Variants in PRKG1 observed in about 807,000 individuals in gnomAD.
PRKG1 encodes cGMP-dependent protein kinase 1.
A neutral mutation model predicts 88.1 loss-of-function variants in PRKG1; 35 were observed. The ratio of observed to expected loss-of-function variants is 0.40; its 90% confidence interval spans 0.30 to 0.53. PRKG1 has a LOEUF of 0.53. Ranked by LOEUF, PRKG1 falls within the 20% of genes least tolerant of loss-of-function variation. The pLI is 0.59. For missense variants in PRKG1, 540 were observed against 839.8 expected (o/e 0.64, Z 4.41); for synonymous variants, 303 against 292.5 (o/e 1.04, Z -0.37).
chr10:51,381,478 C>T (rs1837102859), intron 2 of PRKG1, among the ~76,000 whole-genome samples: 1 of 151,796 alleles, frequency 6.6e-6, no homozygotes, highest in African/African-American at 2.4e-5. Flanking sequence ...GCATGGAGAG[C>T]TTAGTTGCTA....
rs75238651 is a variant in PRKG1, at chr10:51,103,666, T to G, written c.311+28765T>G. On this transcript the variant is annotated intron_variant, in intron 1 of 17. Transcript: ENST00000373980. ...GGATCCGGATGAGCTGAATCAAGAG[T>G]GAGGTGACAAGAAAACTCAGGTTAA... Among the ~76,000 whole-genome samples the G allele has an allele frequency of 3.4e-3, 514 of 151,596 alleles. 2 individuals carry two copies. Among genetic ancestry groups the G allele is most frequent in the African/African-American group, 0.012 (495 of 41,296 alleles).
At chr10:51,845,916 T>C (rs1564672391) in intron 4 of PRKG1, among the ~76,000 whole-genome samples, 1 of 151,490 alleles carries the variant, frequency 6.6e-6, no homozygotes, top group Non-Finnish European at 1.5e-5. Context: ...ATTAATTGAA[T>C]GATACAGTTC....
At chr10:51,113,891 T>C (rs1413775844) in intron 1 of PRKG1, among the ~76,000 whole-genome samples, 1 of 151,638 alleles carries the variant, frequency 6.6e-6, no homozygotes, top group Non-Finnish European at 1.5e-5. Flanking sequence ...ATGAGATGCA[T>C]TTAGGGAAGG....
At position 52,068,202 on chromosome 10, in the gene PRKG1, CAAA is replaced by C. The variant is rs71032621; in HGVS notation, c.935+5594_935+5596del. ...TGGGCGACAGAGCGAAACTCCGTCTCAAAAAAAAAAAAAAAAAAAAAAAAAGAT... is the reference window on the plus strand; with the variant it reads ...TGGGCGACAGAGCGAAACTCCGTCTCAAAAAAAAAAAAAAAAAAAAAAGAT... On this transcript the variant is annotated intron_variant, in intron 7 of 17. Transcript: ENST00000373980. Among the ~76,000 whole-genome samples the C allele has an allele frequency of 1.4e-3, 54 of 38,838 alleles. 1 individual carries two copies. Among genetic ancestry groups the C allele is most frequent in the African/African-American group, 4.8e-3 (51 of 10,682 alleles). 25.5% of individuals were successfully genotyped at this position (38,838 alleles called of 152,430 possible). A position where few individuals can be genotyped will look rare whatever the true frequency, so the allele number is the denominator to read the frequency against.
intron 7 of PRKG1, among the ~76,000 whole-genome samples, chr10:52,120,965 G>A (rs1398551515): frequency 6.6e-6 from 1 of 152,136 alleles, no homozygotes; most frequent in African/African-American, 2.4e-5. Flanking sequence ...GGAGGCTACC[G>A]TGGCCCCATA....
chr10:51,325,441 C>T (rs997036032), intron 2 of PRKG1, among the ~76,000 whole-genome samples: 3 of 152,156 alleles, frequency 2.0e-5, no homozygotes, highest in African/African-American at 7.2e-5. Flanking sequence ...TCAAGTGAAA[C>T]GCCTGCCTCA....
At chr10:52,215,030 G>GT (rs1407760547) in intron 9 of PRKG1, among the ~76,000 whole-genome samples, 4 of 118,836 alleles carry the variant, frequency 3.4e-5, no homozygotes, top group African/African-American at 1.3e-4. Flanking sequence ...AATGATAAAA[G>GT]TTTTTTCAAA....
chr10:51,015,103 C>CCTT (rs1443100498), intron 1 of PRKG1, among the ~76,000 whole-genome samples: 1 of 152,192 alleles, frequency 6.6e-6, no homozygotes, highest in East Asian at 1.9e-4. Flanking sequence ...TATGGAATGG[C>CCTT]CTTCTGGCTG....
At chr10:51,528,616 G>A (rs1019447758) in intron 3 of PRKG1, among the ~76,000 whole-genome samples, 1 of 148,806 alleles carries the variant, frequency 6.7e-6, no homozygotes, top group African/African-American at 2.5e-5. Flanking sequence ...GTTCCTCTGT[G>A]CAAGAGAAAA....
chr10:51,436,253 G>A (rs937646039), intron 2 of PRKG1, among the ~76,000 whole-genome samples: 4 of 151,492 alleles, frequency 2.6e-5, no homozygotes, highest in African/African-American at 9.7e-5. Flanking sequence ...TTGATCAGTG[G>A]TACTATCTAC....
At chr10:51,654,994 G>T (rs1402626514) in intron 3 of PRKG1, among the ~76,000 whole-genome samples, 1 of 152,142 alleles carries the variant, frequency 6.6e-6, no homozygotes, top group East Asian at 1.9e-4. Context: ...TAGAATTTCT[G>T]TATTTTTCCT....
intron 3 of PRKG1, among the ~76,000 whole-genome samples, chr10:51,657,358 T>C (rs1466347016): frequency 6.6e-6 from 1 of 152,188 alleles, no homozygotes; most frequent in Non-Finnish European, 1.5e-5. Context: ...AATCATTTTG[T>C]TTTCAGATGA....
intron 2 of PRKG1, among the ~76,000 whole-genome samples, chr10:51,435,280 C>A (rs1040404890): frequency 6.6e-6 from 1 of 151,904 alleles, no homozygotes; most frequent in African/African-American, 2.4e-5. Context: ...ACGGATTGAT[C>A]TTTATAAGTA....
chr10:51,521,308 A>G (rs113580383), intron 3 of PRKG1, among the ~76,000 whole-genome samples: 5 of 152,306 alleles, frequency 3.3e-5, no homozygotes, highest in South Asian at 4.1e-4. Flanking sequence ...AAAAAACTAC[A>G]GTGCCTAGAA....
chr10:51,261,729 G>T (rs1439877441), intron 2 of PRKG1, among the ~76,000 whole-genome samples: 1 of 84,182 alleles, frequency 1.2e-5, no homozygotes, highest in Non-Finnish European at 2.3e-5. Context: ...CAGAGGTTTC[G>T]AACAAATGTC....
intron 9 of PRKG1, among the ~76,000 whole-genome samples, chr10:52,215,168 G>C (rs1166320342): frequency 6.6e-6 from 1 of 152,102 alleles, no homozygotes; most frequent in Non-Finnish European, 1.5e-5. Flanking sequence ...GTGGAGGCAG[G>C]CAGATCACCT....
At chr10:51,737,510 A>G (rs1386755422) in intron 3 of PRKG1, among the ~76,000 whole-genome samples, 1 of 152,110 alleles carries the variant, frequency 6.6e-6, no homozygotes, top group African/African-American at 2.4e-5. Flanking sequence ...TTCCCATTAC[A>G]TAAAGGGGTA....
chr10:51,132,950 C>T (rs926195953), intron 1 of PRKG1, among the ~76,000 whole-genome samples: 1 of 151,872 alleles, frequency 6.6e-6, no homozygotes, highest in Non-Finnish European at 1.5e-5. Context: ...TCAAAAAATG[C>T]ATATGGTCGA....
intron 9 of PRKG1, among the ~76,000 whole-genome samples, chr10:52,166,159 T>C (rs1452419480): frequency 6.6e-6 from 1 of 152,170 alleles, no homozygotes; most frequent in Non-Finnish European, 1.5e-5. Context: ...TGAATTTTAT[T>C]TGGAGAAGAA....
Sources: gnomAD v4.1 joint callset for allele counts (sites outside exome capture counted in the v4.1 genomes callset) on GRCh38, gnomAD v4.1.1 for gene constraint, MANE v1.5 for transcripts, NCBI Gene and HGNC (gene_info 2026-07-23, HGNC 2026-07-21) for gene names.